The following DBT variants were observed in gnomAD, a reference collection of about 807,000 sequenced individuals.
DBT encodes dihydrolipoamide branched chain transacylase E2, also known as lipoamide acyltransferase component of branched-chain alpha-keto acid dehydrogenase complex, mitochondrial.
In DBT, 40 loss-of-function variants were observed where a neutral mutation model predicts 51.3. That is an observed-to-expected ratio of 0.78 (90% CI 0.61 to 1.02). The LOEUF is 1.02. Among genes scored for constraint, DBT ranks in the 50% least tolerant of loss-of-function variants. DBT has a pLI of 0.00. For missense variants in DBT, 510 were observed against 580.2 expected, an observed-to-expected ratio of 0.88 and a Z score of 1.24; for synonymous variants, 181 against 190.4, an observed-to-expected ratio of 0.95 and a Z score of 0.41.
Position 100,215,863 on chromosome 1 carries a change from A to C in DBT, c.772+120T>G, listed in dbSNP as rs146761278. The C allele has an allele frequency of 1.3e-5, 10 of 742,218 alleles. No individual in the cohort carries two copies. In the East Asian group the frequency reaches 2.2e-4, roughly 17 times the overall value. The allele number at this position is 742,218 out of a possible 1,614,324, so 46.0% of individuals were successfully genotyped here. A position where few individuals can be genotyped will look rare whatever the true frequency, so the allele number is the denominator to read the frequency against. On this transcript the variant is annotated intron_variant, in intron 6 of 10. Coordinates refer to ENST00000370132, the MANE Select transcript of DBT (RefSeq NM_001918.5). ...AAAAGAAAAATTATATGCTGACTGAAGTTGAACTTTCCCTTCAGTAAGACT... is the reference window on the plus strand; with the variant it reads ...AAAAGAAAAATTATATGCTGACTGACGTTGAACTTTCCCTTCAGTAAGACT...
At chr1:100,220,414 C>T (rs1365245583) in intron 4 of DBT, among the ~76,000 whole-genome samples, 1 of 152,154 alleles carries the variant, frequency 6.6e-6, no homozygotes, top group Admixed American at 6.5e-5. Flanking sequence ...ACTGAATCTG[C>T]TTTGACAGTT....
intron 3 of DBT, among the ~76,000 whole-genome samples, chr1:100,231,914 T>C (rs12036284): frequency 0.83 from 126,160 of 152,170 alleles, 52,841 homozygotes; most frequent in East Asian, 0.95. Context: ...TCAGCAGCCT[T>C]GCAGCCACTG....
At chr1:100,241,966 A>G (rs578239062) in intron 1 of DBT, among the ~76,000 whole-genome samples, 2 of 152,172 alleles carry the variant, frequency 1.3e-5, no homozygotes, top group African/African-American at 2.4e-5. Flanking sequence ...GGTTGCAGTG[A>G]GCCGGGATCG....
intron 1 of DBT, among the ~76,000 whole-genome samples, chr1:100,248,227 G>T (rs10127624): frequency 0.77 from 116,852 of 151,872 alleles, 46,805 homozygotes; most frequent in East Asian, 0.94. Flanking sequence ...CAACATAAAA[G>T]AAGAAGTCGT....
chr1:100,189,433 A>G lies in DBT; in HGVS notation c.*6822T>C, dbSNP rs1267143558. 6.6e-6 allele frequency: 1 copy of G among 152,036 alleles called. No homozygotes were observed. Among genetic ancestry groups the G allele is most frequent in the East Asian group, 1.9e-4 (1 of 5,198 alleles). The allele number at this position is 152,036 out of a possible 1,614,324, so 9.4% of individuals were successfully genotyped here. A position where few individuals can be genotyped will look rare whatever the true frequency, so the allele number is the denominator to read the frequency against. On this transcript the variant is annotated 3_prime_UTR_variant, in exon 11 of 11. Coordinates refer to ENST00000370132, the MANE Select transcript of DBT (RefSeq NM_001918.5). ...GAACCATGTAAGGTTTGGCATAAAT[A>G]GTTCATAGTTGACCTGGTCTGTCTG... is the stretch of plus-strand genomic sequence containing the variant.
At chr1:100,204,795 A>C (rs185781250) in intron 10 of DBT, among the ~76,000 whole-genome samples, 1 of 152,300 alleles carries the variant, frequency 6.6e-6, no homozygotes, top group African/African-American at 2.4e-5. Context: ...CTCAGAAATA[A>C]CACCACACAT....
chr1:100,245,458 A>G (rs1664479851), intron 1 of DBT, among the ~76,000 whole-genome samples: 1 of 152,206 alleles, frequency 6.6e-6, no homozygotes, highest in African/African-American at 2.4e-5. Context: ...AAATTCATCT[A>G]TGAACAATAC....
At position 100,196,255 on chromosome 1, in the gene DBT, T is replaced by C; in HGVS notation, c.1449A>G (p.Ter483TrpextTer7). 1 of 1,613,594 alleles carries C rather than the reference T, an allele frequency of 6.2e-7. No individual in the cohort carries two copies. The highest frequency in any genetic ancestry group is 8.5e-7 in the Non-Finnish European group (1 of 1,179,700). The change falls in exon 11 of 11, where the codon TGA becomes TGG. Residue 483 changes from the stop codon to tryptophan, a stop_lost. Coordinates refer to ENST00000370132, the MANE Select transcript of DBT (RefSeq NM_001918.5). ...NPAFMLLDLK* is the reference protein window; with the variant it reads ...NPAFMLLDLKW ...AAGTTCAAGAATGTCTTATCAGTCT[T>C]CATTTCAGATCTAGTAGCATAAAAG...
At position 100,189,351 on chromosome 1, in the gene DBT, TAAA is replaced by T. The variant is rs71709231; in HGVS notation, c.*6901_*6903del. ...CAGAGTGAGACTCCATCTCAAAAAT[TAAA>T]AAAAAAAAAAAAAAAAGCCTGTGGT... On this transcript the variant is annotated 3_prime_UTR_variant, in exon 11 of 11. Transcript: ENST00000370132. The T allele has an allele frequency of 4.5e-4, 65 of 143,440 alleles. No individual in the cohort carries two copies. Among genetic ancestry groups the T allele is most frequent in the African/African-American group, 7.3e-4 (28 of 38,528 alleles). The allele number at this position is 143,440 out of a possible 1,614,324, so 8.9% of individuals were successfully genotyped here.
chr1:100,238,172 GCTTCCTTCCT>G (rs1663996462), intron 2 of DBT, among the ~76,000 whole-genome samples: 1 of 16,016 alleles, frequency 6.2e-5, no homozygotes, highest in South Asian at 4.5e-3. Flanking sequence ...TTCCTCCCTC[GCTTCCTTCCT>G]TCCCTCCTTC....
At chr1:100,219,358 A>C (rs1406607189) in intron 4 of DBT, among the ~76,000 whole-genome samples, 1 of 152,164 alleles carries the variant, frequency 6.6e-6, no homozygotes, top group African/African-American at 2.4e-5. Context: ...TCAAAAAAAA[A>C]AAATTTGTAT....
rs1262149926 is a variant in DBT at position 100,194,936 on chromosome 1, T to C, written c.*1319A>G. The C allele has an allele frequency of 6.6e-6, 1 of 152,256 alleles. No individual in the cohort carries two copies. The highest frequency in any genetic ancestry group is 1.5e-5 in the Non-Finnish European group (1 of 68,040). The allele number at this position is 152,256 out of a possible 1,614,324, so 9.4% of individuals were successfully genotyped here. On this transcript the variant is annotated 3_prime_UTR_variant, in exon 11 of 11. Transcript: ENST00000370132. ...ATTAGAAACAACATGGATTTCCGAA[T>C]GCAAATTGAAATGTTGGATACATTC...
chr1:100,216,982 A>C (rs995150396), intron 5 of DBT, among the ~76,000 whole-genome samples: 2 of 152,224 alleles, frequency 1.3e-5, no homozygotes, highest in Non-Finnish European at 2.9e-5. Context: ...GACTTTACTA[A>C]GGCAAACACT....
intron 4 of DBT, among the ~76,000 whole-genome samples, chr1:100,221,164 A>T (rs1662837778): frequency 6.6e-6 from 1 of 152,210 alleles, no homozygotes; most frequent in Non-Finnish European, 1.5e-5. Context: ...TTACCTACAT[A>T]GTACTACCCT....
chr1:100,243,552 G>T (rs1021842835), intron 1 of DBT, among the ~76,000 whole-genome samples: 10 of 151,972 alleles, frequency 6.6e-5, no homozygotes, highest in African/African-American at 2.4e-4. Context: ...GACCTCCTCA[G>T]CTCAGGCAAT....
At chr1:100,244,284 C>T (rs972296187) in intron 1 of DBT, among the ~76,000 whole-genome samples, 10 of 152,164 alleles carry the variant, frequency 6.6e-5, no homozygotes, top group South Asian at 2.1e-4. Flanking sequence ...GGACATTGAG[C>T]GGCTTGATTT....
In DBT at chr1:100,206,309, T is replaced by TAAA; in HGVS notation, c.1210-9_1210-8insTTT. ...GGCAAAGGTACCACCAATCTATTTT[T>TAAA]TAAAAAAAAAAAAAGGAGAGTATTA... On this transcript the variant is annotated splice_polypyrimidine_tract_variant and intron_variant, in intron 9 of 10. Coordinates refer to ENST00000370132, the MANE Select transcript of DBT (RefSeq NM_001918.5). 6.9e-6 allele frequency: 10 copies of TAAA among 1,449,454 alleles called. No individual in the cohort carries two copies. Among genetic ancestry groups the TAAA allele is most frequent in the Admixed American group, 5.5e-5 (3 of 54,352 alleles). The allele number at this position is 1,449,454 out of a possible 1,614,324, so 89.8% of individuals were successfully genotyped here. A position where few individuals can be genotyped will look rare whatever the true frequency, so the allele number is the denominator to read the frequency against.
rs372606149 is a variant in DBT, at chr1:100,196,310, T to C, written c.1394A>G (p.Asn465Ser). ...GTTTTCTAAATAGGATTTCCACAAA[T>C]TGGAGAAGCGTGACATTGTAGCACC... ...IDGATMSRFS[N>S]LWKSYLENPA... is the part of the protein sequence containing the mutation. Residue 465 changes from asparagine to serine, a missense_variant, in exon 11 of 11, where the codon AAT becomes AGT. Physicochemically the swap from Asn to Ser is conservative, Grantham distance 46. Coordinates refer to ENST00000370132, the MANE Select transcript of DBT (RefSeq NM_001918.5). 9.9e-6 allele frequency: 16 copies of C among 1,613,756 alleles called. No homozygotes were observed. The Admixed American group carries it at 1.0e-4, about 10-fold the overall frequency.
Position 100,190,757 on chromosome 1 carries a change from AAAGG to A in DBT, c.*5494_*5497del, listed in dbSNP as rs1660769782. The A allele has an allele frequency of 6.6e-6, 1 of 152,216 alleles. No homozygotes were observed. Among genetic ancestry groups the A allele is most frequent in the Non-Finnish European group, 1.5e-5 (1 of 68,046 alleles). The allele number at this position is 152,216 out of a possible 1,614,324, so 9.4% of individuals were successfully genotyped here. A position where few individuals can be genotyped will look rare whatever the true frequency, so the allele number is the denominator to read the frequency against. On this transcript the variant is annotated 3_prime_UTR_variant, in exon 11 of 11. Transcript: ENST00000370132. ...TGTGAGAATAGAAATTTTGAGGTGAAAAGGAGAGAAATTCAAGGTTCTTAGATTG... is the reference window on the plus strand; with the variant it reads ...TGTGAGAATAGAAATTTTGAGGTGAAAGAGAAATTCAAGGTTCTTAGATTG...
Sources: allele counts gnomAD v4.1 joint callset (sites outside exome capture counted in the v4.1 genomes callset), GRCh38; gene constraint gnomAD v4.1.1; transcripts MANE v1.5; gene names NCBI Gene and HGNC (gene_info 2026-07-23, HGNC 2026-07-21).